USP45: variants seen among roughly 807,000 people sequenced by gnomAD.
The protein encoded by USP45 is ubiquitin carboxyl-terminal hydrolase 45.
Under a neutral mutation model 95.8 loss-of-function variants are expected in USP45, and 89 were observed. The ratio of observed to expected loss-of-function variants is 0.93; its 90% CI spans 0.78 to 1.11. The LOEUF is 1.11. Ranked by LOEUF, USP45 falls within the 50% of genes least tolerant of loss-of-function variation. USP45 has a pLI of 0.00. For synonymous variants in USP45, 281 were observed against 316.2 expected, an observed-to-expected ratio of 0.89 and a Z score of 1.18; for missense variants, 898 against 942.5, an observed-to-expected ratio of 0.95 and a Z score of 0.62.
At chr6:99,510,596 G>A (rs1799565357) in intron 1 of USP45, among the ~76,000 whole-genome samples, 1 of 152,064 alleles carries the variant, frequency 6.6e-6, no homozygotes. Flanking sequence ...TATAATAAGA[G>A]GCTAGAAAGC....
chr6:99,515,091 CGGACGGAAAGGT>C (rs1425639853), intron 1 of USP45: 2 of 152,354 alleles, frequency 1.3e-5, no homozygotes, highest in Non-Finnish European at 2.9e-5. Context: ...CGCGATGAGG[CGGACGGAAAGGT>C]GTGGGGCCGC....
At chr6:99,492,198 T>A (rs1156529427) in intron 5 of USP45, among the ~76,000 whole-genome samples, 1 of 152,180 alleles carries the variant, frequency 6.6e-6, no homozygotes, top group Non-Finnish European at 1.5e-5. Flanking sequence ...AAAACAGATT[T>A]TCCCCCTCCC....
chr6:99,474,291 G>A (rs367686470), intron 9 of USP45, among the ~76,000 whole-genome samples: 4 of 152,096 alleles, frequency 2.6e-5, no homozygotes, highest in East Asian at 1.9e-4. Flanking sequence ...TCCGCCTCTC[G>A]GGTTCAAGCA....
intron 13 of USP45, among the ~76,000 whole-genome samples, chr6:99,448,794 C>T (rs909913022): frequency 1.3e-5 from 2 of 152,178 alleles, no homozygotes; most frequent in Non-Finnish European, 2.9e-5. Context: ...AGGTTACCCG[C>T]AAAGGGAAAC....
intron 15 of USP45, 42 bp downstream of exon 15, chr6:99,443,522 TA>T: frequency 7.4e-7 from 1 of 1,358,198 alleles, no homozygotes; most frequent in African/African-American, 1.5e-5. Flanking sequence ...TAATGCTCTG[TA>T]AAACACATGA....
chr6:99,451,917 C>T (rs1783943828), intron 13 of USP45, among the ~76,000 whole-genome samples: 1 of 152,066 alleles, frequency 6.6e-6, no homozygotes, highest in African/African-American at 2.4e-5. Flanking sequence ...CTGAGAAAAA[C>T]AAGCAATGGG....
intron 8 of USP45, among the ~76,000 whole-genome samples, chr6:99,476,721 G>T (rs1790968170): frequency 6.6e-6 from 1 of 152,118 alleles, no homozygotes; most frequent in Admixed American, 6.5e-5. Flanking sequence ...CATTTGCAAG[G>T]TCATACAGCT....
intron 5 of USP45, among the ~76,000 whole-genome samples, chr6:99,494,174 T>C (rs1795803993): frequency 6.6e-6 from 1 of 152,212 alleles, no homozygotes; most frequent in East Asian, 1.9e-4. Context: ...TTATCTCACC[T>C]TGGGAAATAA....
intron 5 of USP45, among the ~76,000 whole-genome samples, chr6:99,500,925 G>A (rs544571657): frequency 1.4e-3 from 207 of 152,216 alleles, no homozygotes; most frequent in African/African-American, 4.7e-3. Flanking sequence ...TCATTAGGGT[G>A]ATGGCTAACA....
At chr6:99,457,129 G>A (rs767449348) in intron 13 of USP45, among the ~76,000 whole-genome samples, 1 of 152,190 alleles carries the variant, frequency 6.6e-6, no homozygotes, top group Non-Finnish European at 1.5e-5. Flanking sequence ...CTCCTGATAA[G>A]ATGTTATCAA....
At chr6:99,447,661 C>T (rs991670714) in intron 13 of USP45, among the ~76,000 whole-genome samples, 1 of 152,208 alleles carries the variant, frequency 6.6e-6, no homozygotes, top group Non-Finnish European at 1.5e-5. Context: ...CCCCTGCAGA[C>T]TTGAATGTCC....
intron 8 of USP45, among the ~76,000 whole-genome samples, chr6:99,477,439 G>C (rs1343450685): frequency 6.6e-6 from 1 of 152,094 alleles, no homozygotes; most frequent in Non-Finnish European, 1.5e-5. Context: ...GAGTGGCTGG[G>C]ACTACAGTTG....
Position 99,443,679 on chromosome 6 carries a change from AAATTT to A in USP45, c.1976-22_1976-18del, listed in dbSNP as rs1167953522. On this transcript the variant is annotated intron_variant, in intron 14 of 17. Transcript: ENST00000500704. ...CTTTCTTTTCTACATAAAATACAAT[AAATTT>A]ATTTATAAAATTCCATTTTATACAT... is the stretch of plus-strand genomic sequence containing the variant. 1 of 1,454,184 alleles carries A rather than the reference AAATTT, an allele frequency of 6.9e-7. No homozygotes were observed. The highest frequency in any genetic ancestry group is 9.3e-7 in the Non-Finnish European group (1 of 1,079,242). The allele number at this position is 1,454,184 out of a possible 1,614,324, so 90.1% of individuals were successfully genotyped here. A position where few individuals can be genotyped will look rare whatever the true frequency, so the allele number is the denominator to read the frequency against.
chr6:99,443,063 C>T (rs1386214644), intron 15 of USP45, among the ~76,000 whole-genome samples: 1 of 151,900 alleles, frequency 6.6e-6, no homozygotes, highest in Non-Finnish European at 1.5e-5. Flanking sequence ...ACTAAAAATA[C>T]AAATATTAGC....
intron 9 of USP45, among the ~76,000 whole-genome samples, chr6:99,472,100 T>C (rs1789543620): frequency 2.0e-5 from 3 of 152,050 alleles, no homozygotes; most frequent in Admixed American, 2.0e-4. Flanking sequence ...GCTATCAAAT[T>C]ATAGAGGTAA....
At chr6:99,508,556 GCATTTAAGGAAAA>G in intron 3 of USP45, 41 bp downstream of exon 3, 1 of 1,531,922 alleles carries the variant, frequency 6.5e-7, no homozygotes, top group Admixed American at 1.9e-5. Flanking sequence ...CTCACAATAA[GCATTTAAGGAAAA>G]CATTTCAGAC....
chr6:99,497,762 T>C (rs1796611855), intron 5 of USP45, among the ~76,000 whole-genome samples: 2 of 152,314 alleles, frequency 1.3e-5, no homozygotes, highest in South Asian at 4.1e-4. Flanking sequence ...TACAAGGCCC[T>C]TAAATATCTG....
rs895841472 is a variant in USP45, at chr6:99,465,132, G to A, written c.1112C>T (p.Ser371Phe). ...TVMCEECANI[S>F]TVKDPFIDIS... ...ATCAATGAATGGATCTTTCACCGTG[G>A]AGATCTTAAAAGGAAAACACATTGA... Residue 371 changes from serine to phenylalanine, a missense_variant, in exon 12 of 18, where the codon TCC (serine) becomes TTC (phenylalanine). Transcript: ENST00000500704. The A allele has an allele frequency of 1.9e-6, 3 of 1,590,126 alleles. No homozygotes were observed. The highest frequency in any genetic ancestry group is 1.7e-6 in the Non-Finnish European group (2 of 1,165,588).
intron 13 of USP45, among the ~76,000 whole-genome samples, chr6:99,450,013 T>C (rs1383707157): frequency 6.6e-6 from 1 of 152,176 alleles, no homozygotes; most frequent in Non-Finnish European, 1.5e-5. Context: ...CCAGAATCTA[T>C]GGGACACATT....
Sources: allele counts gnomAD v4.1 joint callset (sites outside exome capture counted in the v4.1 genomes callset), GRCh38; gene constraint gnomAD v4.1.1; transcripts MANE v1.5; gene names NCBI Gene and HGNC (gene_info 2026-07-23, HGNC 2026-07-21).